Variants in CFAP161 observed in about 807,000 individuals in gnomAD.
The protein encoded by CFAP161 is cilia and flagella associated protein 161, also known as cilia- and flagella-associated protein 161.
CFAP161 carries 25 observed loss-of-function variants against 29.0 expected under a neutral mutation model. That is an observed-to-expected ratio of 0.86 (90% CI 0.63 to 1.20). CFAP161 has a LOEUF of 1.20. Among genes scored for constraint, CFAP161 ranks in the 50% most tolerant of loss-of-function variants. CFAP161 has a pLI of 0.00. For synonymous variants in CFAP161, 116 were observed against 137.4 expected (o/e 0.84, Z 1.09); for missense variants, 367 against 371.9 (o/e 0.99, Z 0.11).
intron 1 of CFAP161, chr15:81,117,950 C>A (rs1894520665): frequency 4.3e-6 from 2 of 462,430 alleles, no homozygotes; most frequent in South Asian, 4.5e-5. Flanking sequence ...TCCTCTGGGT[C>A]ATAGGTATCC....
intron 1 of CFAP161, among the ~76,000 whole-genome samples, chr15:81,109,784 A>G (rs1894418753): frequency 6.6e-6 from 1 of 152,232 alleles, no homozygotes; most frequent in Admixed American, 6.5e-5. Context: ...ATTCTCTTTA[A>G]TCAGGGCATA....
intron 1 of CFAP161, 137 bp from the exon 2 acceptor site, chr15:81,135,133 C>T: frequency 3.9e-6 from 2 of 512,190 alleles, no homozygotes; most frequent in South Asian, 3.8e-5. Flanking sequence ...AAAAACGTTC[C>T]ATCATTCCAA....
In CFAP161 at chr15:81,148,840, G is replaced by A. The variant is rs1032706832; in HGVS notation, c.*307G>A. The A allele has an allele frequency of 2.9e-5, 6 of 204,662 alleles. No individual in the cohort carries two copies. The highest frequency in any genetic ancestry group is 1.1e-4 in the East Asian group (1 of 9,432). 12.7% of individuals were successfully genotyped at this position (204,662 alleles called of 1,614,324 possible). On this transcript the variant is annotated 3_prime_UTR_variant, in exon 7 of 7. Coordinates refer to ENST00000286732, the MANE Select transcript of CFAP161 (RefSeq NM_173528.4). ...CCTTCATTGTCTACAAGGACAGTGCGTTACTTTTTAAAGTTATGTCTATGT... is the reference window on the plus strand; with the variant it reads ...CCTTCATTGTCTACAAGGACAGTGCATTACTTTTTAAAGTTATGTCTATGT...
intron 4 of CFAP161, among the ~76,000 whole-genome samples, chr15:81,139,700 A>T (rs1390738358): frequency 6.6e-6 from 1 of 152,194 alleles, no homozygotes; most frequent in Non-Finnish European, 1.5e-5. Flanking sequence ...ATTTGTGTAT[A>T]AATGCTTAAA....
Position 81,148,364 on chromosome 15 carries a change from T to A in CFAP161, c.737T>A (p.Val246Asp), listed in dbSNP as rs1168523716. 6.2e-7 allele frequency: 1 copy of A among 1,613,292 alleles called. No individual in the cohort carries two copies. Among genetic ancestry groups the A allele is most frequent in the Non-Finnish European group, 8.5e-7 (1 of 1,179,272 alleles). ...LSTYFGKEAE[V>D]VAHTYLDSHR... ...ACCTATTTTGGAAAGGAGGCTGAGG[T>A]TGTAGCTCACACATACCTGGATTCA... is the stretch of plus-strand genomic sequence containing the variant. The change falls in exon 7 of 7, where the codon GTT becomes GAT. Residue 246 changes from valine to aspartate, a missense_variant. Coordinates refer to ENST00000286732, the MANE Select transcript of CFAP161 (RefSeq NM_173528.4).
At chr15:81,110,889 T>A (rs1340419267) in intron 1 of CFAP161, among the ~76,000 whole-genome samples, 1 of 152,156 alleles carries the variant, frequency 6.6e-6, no homozygotes, top group Non-Finnish European at 1.5e-5. Flanking sequence ...TGGTGTGATA[T>A]TCTTTCCCCC....
chr15:81,132,753 A>G (rs915620456), upstream of CFAP161, among the ~76,000 whole-genome samples: 17 of 152,190 alleles, frequency 1.1e-4, no homozygotes. Context: ...TCTTGATTTT[A>G]TGAGGAATAT....
rs1214310545 is a variant in CFAP161 at position 81,148,562 on chromosome 15, G to A, written c.*29G>A. On this transcript the variant is annotated 3_prime_UTR_variant, in exon 7 of 7. Coordinates refer to ENST00000286732, the MANE Select transcript of CFAP161 (RefSeq NM_173528.4). ...GCCAGGCACGTGCATGTTTTCCCTG[G>A]TCCCGCTCTCATCAAATGTAGCTTT... 6.4e-7 allele frequency: 1 copy of A among 1,574,098 alleles called. No homozygotes were observed.
At position 81,138,105 on chromosome 15, in the gene CFAP161, G is replaced by T; in HGVS notation, c.447G>T (p.Leu149=). ...TTAGATATGGGCAGGACTTTTGCCT[G>T]GGGATAACAGGAGGATTTGACAACA... is the stretch of plus-strand genomic sequence containing the variant. ...QVLRYGQDFC[L]GITGGFDNKM... is the part of the protein sequence containing the mutation. The change falls in exon 4 of 7, where the codon CTG becomes CTT. Residue 149 remains leucine (L), a synonymous_variant. Coordinates refer to ENST00000286732, the MANE Select transcript of CFAP161 (RefSeq NM_173528.4). 2 of 1,612,996 alleles carry T rather than the reference G, an allele frequency of 1.2e-6. No homozygotes were observed. The highest frequency in any genetic ancestry group is 1.7e-6 in the Non-Finnish European group (2 of 1,178,944).
intron 4 of CFAP161, among the ~76,000 whole-genome samples, chr15:81,143,006 T>A (rs369917336): frequency 1.4e-4 from 22 of 152,192 alleles, no homozygotes; most frequent in African/African-American, 5.3e-4. Context: ...CAACATCATT[T>A]ATATTAAATA....
chr15:81,145,264 A>G (rs1171128274), intron 5 of CFAP161, among the ~76,000 whole-genome samples: 1 of 152,210 alleles, frequency 6.6e-6, no homozygotes, highest in East Asian at 1.9e-4. Flanking sequence ...CTACAATGAA[A>G]CAGGCTTTAC....
intron 3 of CFAP161, among the ~76,000 whole-genome samples, chr15:81,137,663 A>G (rs780876366): frequency 6.6e-5 from 10 of 152,148 alleles, no homozygotes; most frequent in Non-Finnish European, 1.0e-4. Flanking sequence ...ATTGATCACA[A>G]CCTCTGTTAT....
intron 5 of CFAP161, among the ~76,000 whole-genome samples, chr15:81,144,223 C>G (rs6495541): frequency 0.049 from 7,470 of 152,302 alleles, 656 homozygotes; most frequent in African/African-American, 0.17. Context: ...ATAAGAACCA[C>G]TGATGTGCGA....
At chr15:81,106,635 A>G (rs1332170522) in intron 1 of CFAP161, among the ~76,000 whole-genome samples, 4 of 152,216 alleles carry the variant, frequency 2.6e-5, no homozygotes, top group Admixed American at 6.5e-5. Flanking sequence ...TCTAGTCACA[A>G]ATCAGAAGCT....
At chr15:81,147,661 A>C (rs1347486971) in intron 5 of CFAP161, among the ~76,000 whole-genome samples, 197 bp from the exon 6 acceptor site, 1 of 152,280 alleles carries the variant, frequency 6.6e-6, no homozygotes, top group Non-Finnish European at 1.5e-5. Flanking sequence ...ATAGGGTCTT[A>C]CGGTCGCATA....
chr15:81,101,132 A>T (rs1894298823), intron 1 of CFAP161, among the ~76,000 whole-genome samples: 2 of 152,178 alleles, frequency 1.3e-5, no homozygotes. Flanking sequence ...TTGGCAATGG[A>T]AATATTTAAC....
At chr15:81,137,135 T>C (rs1192239577) in intron 3 of CFAP161, among the ~76,000 whole-genome samples, 1 of 152,010 alleles carries the variant, frequency 6.6e-6, no homozygotes, top group African/African-American at 2.4e-5. Context: ...TTTAATACAA[T>C]GTGGCACTAG....
chr15:81,122,032 C>A (rs1016696269), intron 1 of CFAP161, among the ~76,000 whole-genome samples: 1 of 152,256 alleles, frequency 6.6e-6, no homozygotes. Context: ...CATGTCCCTG[C>A]AGAGGACATG....
chr15:81,120,854 A>C (rs1000729623), intron 1 of CFAP161, among the ~76,000 whole-genome samples: 2 of 152,234 alleles, frequency 1.3e-5, no homozygotes, highest in African/African-American at 4.8e-5. Context: ...TTCCAACCTA[A>C]AACTAGATAA....
Sources: gnomAD v4.1 joint callset for allele counts (sites outside exome capture counted in the v4.1 genomes callset) on GRCh38, gnomAD v4.1.1 for gene constraint, MANE v1.5 for transcripts, NCBI Gene and HGNC (gene_info 2026-07-23, HGNC 2026-07-21) for gene names.